The following DGKH variants were observed in gnomAD, a reference collection of about 807,000 sequenced individuals.
DGKH encodes diacylglycerol kinase eta.
DGKH carries 90 observed loss-of-function variants against 159.3 expected under a neutral mutation model. The observed-to-expected ratio is 0.57, with a 90% CI of 0.48 to 0.67. DGKH has a LOEUF of 0.67. Ranked by LOEUF, DGKH falls within the 30% of genes least tolerant of loss-of-function variation. DGKH has a pLI of 0.00. For missense variants in DGKH, 1,181 were observed against 1,506.1 expected, an observed-to-expected ratio of 0.78 and a Z score of 3.57; for synonymous variants, 536 against 553.8, an observed-to-expected ratio of 0.97 and a Z score of 0.45.
intron 1 of DGKH, among the ~76,000 whole-genome samples, chr13:42,074,688 AT>A (rs1256410525): frequency 6.6e-5 from 10 of 151,502 alleles, no homozygotes; most frequent in African/African-American, 2.4e-4. Flanking sequence ...CCATCCATCC[AT>A]GCATCCACTC....
intron 1 of DGKH, among the ~76,000 whole-genome samples, chr13:42,104,081 C>T (rs1954702820): frequency 6.6e-6 from 1 of 152,174 alleles, no homozygotes; most frequent in Non-Finnish European, 1.5e-5. Flanking sequence ...GGTGGGGTGC[C>T]TCTAATATAG....
intron 20 of DGKH, among the ~76,000 whole-genome samples, chr13:42,204,467 C>T (rs1957416540): frequency 6.6e-6 from 1 of 152,194 alleles, no homozygotes; most frequent in Admixed American, 6.5e-5. Context: ...GGTAAATCAA[C>T]CAATCCTGGC....
Position 42,159,264 on chromosome 13 carries a change from A to AT in DGKH, c.623-2_623-1insT. ...TTGCTCTTTTTTTTTTTTTTTTTTT[A>AT]GTGTGTAAATTCAAGGCTCACAAAA... On this transcript the variant is annotated splice_acceptor_variant, in intron 5 of 29. Coordinates refer to ENST00000337343, the MANE Select transcript of DGKH (RefSeq NM_178009.5). LOFTEE classifies it high-confidence loss of function. 1 of 99,106 alleles carries AT rather than the reference A, an allele frequency of 1.0e-5. No homozygotes were observed. Among genetic ancestry groups the AT allele is most frequent in the Non-Finnish European group, 1.6e-5 (1 of 62,604 alleles). 6.1% of individuals were successfully genotyped at this position (99,106 alleles called of 1,614,324 possible). A position where few individuals can be genotyped will look rare whatever the true frequency, so the allele number is the denominator to read the frequency against.
At chr13:42,218,666 G>A (rs897294965) in intron 26 of DGKH, among the ~76,000 whole-genome samples, 2 of 151,906 alleles carry the variant, frequency 1.3e-5, no homozygotes, top group African/African-American at 2.4e-5. Flanking sequence ...CCAACACCAT[G>A]CCTAACTAAT....
intron 3 of DGKH, among the ~76,000 whole-genome samples, chr13:42,141,579 A>G (rs1329764239): frequency 6.6e-6 from 1 of 152,110 alleles, no homozygotes; most frequent in Non-Finnish European, 1.5e-5. Flanking sequence ...CCTGCCTTTT[A>G]ATGATCTCCA....
chr13:42,255,748 A>C, intron 30 of DGKH: 1 of 422,588 alleles, frequency 2.4e-6, no homozygotes, highest in Non-Finnish European at 4.2e-6. Context: ...TGGGAAGCAA[A>C]ACTGCGAACT....
chr13:42,166,414 G>A, intron 8 of DGKH, 101 bp from the exon 9 acceptor site: 1 of 1,080,050 alleles, frequency 9.3e-7, no homozygotes, highest in Non-Finnish European at 1.3e-6. Context: ...ATAACTTAAT[G>A]CTCCAGTTTT....
At chr13:42,147,505 T>C (rs930863244) in intron 3 of DGKH, among the ~76,000 whole-genome samples, 11 of 152,242 alleles carry the variant, frequency 7.2e-5, no homozygotes, top group African/African-American at 2.7e-4. Flanking sequence ...ATAATTATTT[T>C]GTTTTGAAAT....
chr13:42,176,924 C>T (rs924058190), intron 12 of DGKH, among the ~76,000 whole-genome samples: 7 of 152,078 alleles, frequency 4.6e-5, no homozygotes, highest in African/African-American at 7.2e-5. Flanking sequence ...GGTCTTTCAA[C>T]GGGATGTTAA....
At chr13:42,160,430 A>G (rs9315895) in intron 7 of DGKH, among the ~76,000 whole-genome samples, 142,897 of 152,252 alleles carry the variant, frequency 0.94, 67,403 homozygotes, top group Non-Finnish European at 0.98. Context: ...TGCTGTATTC[A>G]GGCCTATTTT....
chr13:42,256,545 T>C, exon 31 of DGKH: 1 of 743,802 alleles, frequency 1.3e-6, no homozygotes, highest in Admixed American at 2.0e-5. Context: ...TTTAAGTAAA[T>C]TTATAATGAA....
chr13:42,079,006 G>A (rs1954150572), intron 1 of DGKH, among the ~76,000 whole-genome samples: 1 of 149,450 alleles, frequency 6.7e-6, no homozygotes, highest in Non-Finnish European at 1.5e-5. Context: ...CGCCTTCTGG[G>A]TTCAAGCGAT....
chr13:42,184,215 T>C (rs1956849423), intron 13 of DGKH, among the ~76,000 whole-genome samples: 1 of 152,180 alleles, frequency 6.6e-6, no homozygotes, highest in Non-Finnish European at 1.5e-5. Context: ...AATTGGAACT[T>C]TTTATTAGAT....
At chr13:42,061,016 A>G (rs556937074) in intron 1 of DGKH, among the ~76,000 whole-genome samples, 2 of 152,262 alleles carry the variant, frequency 1.3e-5, no homozygotes, top group South Asian at 4.1e-4. Flanking sequence ...CGGCGGTTTA[A>G]TAGGTAGAAT....
intron 1 of DGKH, among the ~76,000 whole-genome samples, chr13:42,104,371 G>A (rs967652228): frequency 6.6e-6 from 1 of 152,224 alleles, no homozygotes; most frequent in Non-Finnish European, 1.5e-5. Flanking sequence ...AGATAGACCA[G>A]TTTATAAAGG....
At chr13:42,129,525 T>C in intron 2 of DGKH, 27 bp from the exon 3 acceptor site, 1 of 1,576,384 alleles carries the variant, frequency 6.3e-7, no homozygotes, top group Non-Finnish European at 8.7e-7. Flanking sequence ...TCTTCTAATG[T>C]CTTTGTATGT....
chr13:42,070,855 A>C, intron 1 of DGKH: 1 of 1,305,596 alleles, frequency 7.7e-7, no homozygotes, highest in South Asian at 1.2e-5. Flanking sequence ...AATTTCAAAC[A>C]CTTTCACAAT....
chr13:42,197,995 T>C (rs1049021027), intron 17 of DGKH, among the ~76,000 whole-genome samples: 3 of 152,196 alleles, frequency 2.0e-5, no homozygotes, highest in African/African-American at 7.2e-5. Flanking sequence ...ACTTTACTGC[T>C]TATTCTTAAA....
chr13:42,191,189 G>A (rs141175065), intron 16 of DGKH, among the ~76,000 whole-genome samples: 1 of 152,258 alleles, frequency 6.6e-6, no homozygotes, highest in East Asian at 1.9e-4. Flanking sequence ...TAAGGGAAAA[G>A]TTTCTAACGT....
Sources: gnomAD v4.1 joint callset for allele counts (sites outside exome capture counted in the v4.1 genomes callset) on GRCh38, gnomAD v4.1.1 for gene constraint, MANE v1.5 for transcripts, NCBI Gene and HGNC (gene_info 2026-07-23, HGNC 2026-07-21) for gene names.